BANK1: variants seen among roughly 807,000 people sequenced by gnomAD.
BANK1 encodes the protein B-cell scaffold protein with ankyrin repeats.
BANK1 carries 95 observed loss-of-function variants against 94.5 expected under a neutral mutation model. The ratio of observed to expected loss-of-function variants is 1.00; its 90% CI spans 0.85 to 1.19. The LOEUF (loss-of-function observed/expected upper bound fraction) is 1.19. Ranked by LOEUF, BANK1 falls within the 50% of genes most tolerant of loss-of-function variation. The pLI, the probability that BANK1 is intolerant of heterozygous loss-of-function variation, is 0.00. For missense variants in BANK1, 987 were observed against 932.2 expected (o/e 1.06, Z -0.77); for synonymous variants, 334 against 308.4 (o/e 1.08, Z -0.87).
chr4:101,891,134 A>G lies in BANK1; in HGVS notation c.904-4171A>G, dbSNP rs962174392. On this transcript the variant is annotated intron_variant, in intron 5 of 16. Coordinates refer to ENST00000322953, the MANE Select transcript of BANK1 (RefSeq NM_017935.5). The stretch of plus-strand genomic sequence containing the variant: ...CTGATGTGCCAAAAGGTCTTCTTTC[A>G]TTATAACCTTATACTTTAGAGAACT... Among the ~76,000 whole-genome samples, 5 of 152,006 alleles carry G rather than the reference A, an allele frequency of 3.3e-5. No homozygotes were observed. The South Asian group carries it at 8.3e-4, about 25-fold the overall frequency.
At chr4:102,073,841 A>T in intron 16 of BANK1, 93 bp downstream of exon 16, 1 of 977,238 alleles carries the variant, frequency 1.0e-6, no homozygotes, top group South Asian at 1.5e-5. Flanking sequence ...AGAATTTTTT[A>T]AAGATTTCAT....
Position 101,945,125 on chromosome 4 carries a change from T to G in BANK1, c.1206+26936T>G, listed in dbSNP as rs61546925. Among the ~76,000 whole-genome samples the G allele has an allele frequency of 5.6e-3, 851 of 152,066 alleles. 15 individuals are homozygous for G. In the East Asian group the frequency reaches 0.057, roughly 10 times the overall value. Reference sequence around the variant, plus strand: ...TGGGTGCTGTTGATATTTGTACAATTTACCTTTTGCATTTTAGTTAAATCA... The same window carrying G: ...TGGGTGCTGTTGATATTTGTACAATGTACCTTTTGCATTTTAGTTAAATCA... On this transcript the variant is annotated intron_variant, in intron 7 of 16. Transcript: ENST00000322953.
chr4:101,834,738 A>G (rs768888433), intron 2 of BANK1, among the ~76,000 whole-genome samples: 33 of 152,202 alleles, frequency 2.2e-4, no homozygotes, highest in Non-Finnish European at 3.7e-4. Flanking sequence ...TTATACAAAG[A>G]ATAAGGGAAA....
chr4:101,862,307 G>GA (rs966076993), intron 3 of BANK1, among the ~76,000 whole-genome samples: 65 of 151,610 alleles, frequency 4.3e-4, no homozygotes, highest in South Asian at 8.3e-4. Flanking sequence ...GCATTAGAGG[G>GA]AAAAAAAGAG....
intron 1 of BANK1, among the ~76,000 whole-genome samples, chr4:101,809,059 G>A (rs1725656077): frequency 6.6e-6 from 1 of 152,150 alleles, no homozygotes; most frequent in Non-Finnish European, 1.5e-5. Flanking sequence ...TCTGTTTATA[G>A]CAGCACAATT....
intron 13 of BANK1, among the ~76,000 whole-genome samples, chr4:102,064,949 G>A (rs1728542607): frequency 6.6e-6 from 1 of 152,222 alleles, no homozygotes; most frequent in Non-Finnish European, 1.5e-5. Context: ...TGGCTGTGTA[G>A]AGAGGTAGCC....
rs543406745 is a variant in BANK1, at chr4:102,000,751, T to A, written c.1207-20763T>A. On this transcript the variant is annotated intron_variant, in intron 7 of 16. Coordinates refer to ENST00000322953, the MANE Select transcript of BANK1 (RefSeq NM_017935.5). ...TCTATACATATTTAGGAAGTAGAAT[T>A]AATTAGATGTGCTGATTGAGTATAG... is the stretch of plus-strand genomic sequence containing the variant. Among the ~76,000 whole-genome samples the A allele has an allele frequency of 8.5e-5, 13 of 152,324 alleles. No homozygotes were observed. The South Asian group carries it at 2.7e-3, about 32-fold the overall frequency.
At chr4:101,839,129 C>A (rs931309777) in intron 2 of BANK1, among the ~76,000 whole-genome samples, 7 of 152,128 alleles carry the variant, frequency 4.6e-5, no homozygotes, top group Non-Finnish European at 7.4e-5. Context: ...CACTTACATT[C>A]ATTTATTGAG....
chr4:101,810,519 A>C (rs1223316618), intron 1 of BANK1, among the ~76,000 whole-genome samples: 1 of 152,214 alleles, frequency 6.6e-6, no homozygotes, highest in Non-Finnish European at 1.5e-5. Flanking sequence ...AGAACATATC[A>C]ATGTTACCCT....
chr4:101,900,671 T>A lies in BANK1; in HGVS notation c.1009+5261T>A, dbSNP rs543610114. 6.4e-3 allele frequency among the ~76,000 whole-genome samples: 975 copies of A among 152,284 alleles called. 6 individuals carry two copies. The highest frequency in any genetic ancestry group is 0.011 in the Non-Finnish European group (716 of 68,012). ...GTAACTAAAGACATGTTTATAAAAA[T>A]ATAAATAAAATAAATATCAATGCTG... is the stretch of plus-strand genomic sequence containing the variant. On this transcript the variant is annotated intron_variant, in intron 6 of 16. Coordinates refer to ENST00000322953, the MANE Select transcript of BANK1 (RefSeq NM_017935.5).
Position 101,921,552 on chromosome 4 carries a change from T to A in BANK1, c.1206+3363T>A, listed in dbSNP as rs1353977182. On this transcript the variant is annotated intron_variant, in intron 7 of 16. Transcript: ENST00000322953. ...ACTTTAAGCAAACAGATATAAATAA[T>A]ATTTGCTTGTATTAGCTCACATATG... Among the ~76,000 whole-genome samples the A allele has an allele frequency of 2.0e-5, 3 of 152,042 alleles. No individual in the cohort carries two copies. The East Asian group carries it at 5.9e-4, about 30-fold the overall frequency.
At chr4:101,972,354 A>C (rs1158029948) in intron 7 of BANK1, 1 of 152,088 alleles carries the variant, frequency 6.6e-6, no homozygotes, top group East Asian at 1.9e-4. Flanking sequence ...GAAATGCTAC[A>C]GATTTTTGTG....
chr4:101,999,114 A>G (rs560038272), intron 7 of BANK1, among the ~76,000 whole-genome samples: 1 of 152,222 alleles, frequency 6.6e-6, no homozygotes, highest in South Asian at 2.1e-4. Context: ...ATTGTCTTCT[A>G]CCTTCTGGTG....
Position 101,830,245 on chromosome 4 carries a change from T to TA in BANK1, c.469+39_469+40insA, listed in dbSNP as rs767398246. The TA allele has an allele frequency of 1.1e-4, 14 of 128,398 alleles. No individual in the cohort carries two copies. The African/African-American group carries it at 2.5e-3, about 23-fold the overall frequency. 8.0% of individuals were successfully genotyped at this position (128,398 alleles called of 1,614,324 possible). ...ACCTTGTTTGTTTTATTTTTATTTG[T>TA]TTTTTTTTTTTTGTAATTAAAGAAT... On this transcript the variant is annotated intron_variant, in intron 2 of 16. Transcript: ENST00000322953.
chr4:101,965,804 T>A (rs1318179275), intron 7 of BANK1, among the ~76,000 whole-genome samples: 1 of 152,088 alleles, frequency 6.6e-6, no homozygotes, highest in Non-Finnish European at 1.5e-5. Flanking sequence ...TTCCAGTAAT[T>A]CCCAGTTGTT....
rs1427692484 is a variant in BANK1, at chr4:102,070,023, T to A, written c.2213-1252T>A. Reference sequence around the variant, plus strand: ...ATCCAGGTTACCAGCAGCAAATCCATACAGGCCTGCAGCAACCCCAATTCT... The same window carrying A: ...ATCCAGGTTACCAGCAGCAAATCCAAACAGGCCTGCAGCAACCCCAATTCT... On this transcript the variant is annotated intron_variant, in intron 13 of 16. Transcript: ENST00000322953. 2.6e-5 allele frequency among the ~76,000 whole-genome samples: 4 copies of A among 152,128 alleles called. No homozygotes were observed. The East Asian group carries it at 5.8e-4, about 22-fold the overall frequency.
chr4:101,848,239 G>A (rs1727333220), intron 2 of BANK1, among the ~76,000 whole-genome samples: 1 of 151,996 alleles, frequency 6.6e-6, no homozygotes, highest in South Asian at 2.1e-4. Flanking sequence ...GGAGCAGTCC[G>A]CTTCCTCCAG....
At chr4:101,807,993 G>A (rs1165275409) in intron 1 of BANK1, among the ~76,000 whole-genome samples, 3 of 151,396 alleles carry the variant, frequency 2.0e-5, no homozygotes, top group Non-Finnish European at 2.9e-5. Context: ...AGTGAGGCAG[G>A]AGAATCGCTT....
intron 7 of BANK1, among the ~76,000 whole-genome samples, chr4:101,936,235 TATGTATACATATATGAC>T (rs935734169): frequency 7.3e-6 from 1 of 136,498 alleles, no homozygotes; most frequent in African/African-American, 2.5e-5. Flanking sequence ...ACATATATGA[TATGTATACATATATGAC>T]ACACATACAT....
Sources: gnomAD v4.1 joint callset for allele counts (sites outside exome capture counted in the v4.1 genomes callset) on GRCh38, gnomAD v4.1.1 for gene constraint, MANE v1.5 for transcripts, NCBI Gene and HGNC (gene_info 2026-07-23, HGNC 2026-07-21) for gene names.